MAGI1: variants seen among roughly 807,000 people sequenced by gnomAD.
MAGI1 encodes the protein membrane associated guanylate kinase, WW and PDZ domain containing 1.
Under a neutral mutation model 139.9 loss-of-function variants are expected in MAGI1, and 58 were observed. That is an observed-to-expected ratio of 0.41 (90% confidence interval 0.34 to 0.52). MAGI1 has a LOEUF of 0.52. Ranked by LOEUF, MAGI1 falls within the 20% of genes least tolerant of loss-of-function variation. The pLI, the probability that MAGI1 is intolerant of heterozygous loss-of-function variation, is 0.12. For synonymous variants in MAGI1, 812 were observed against 737.9 expected (o/e 1.10, Z -1.63); for missense variants, 1,874 against 1,901.6 (o/e 0.99, Z 0.27).
At chr3:65,920,235 C>T (rs1368752509) in intron 1 of MAGI1, among the ~76,000 whole-genome samples, 1 of 152,180 alleles carries the variant, frequency 6.6e-6, no homozygotes, top group Admixed American at 6.5e-5. Context: ...CTGCATCCTG[C>T]TGTATTTTTT....
intron 19 of MAGI1, 63 bp downstream of exon 19, chr3:65,364,790 A>C: frequency 6.2e-7 from 1 of 1,605,792 alleles, no homozygotes; most frequent in Non-Finnish European, 8.5e-7. Flanking sequence ...AATCAAGGAC[A>C]TATATTGTCA....
rs114142024 is a variant in MAGI1, at chr3:65,815,448, G to C, written c.314-193360C>G. Among the ~76,000 whole-genome samples, 595 of 152,100 alleles carry C rather than the reference G, an allele frequency of 3.9e-3. 2 individuals carry two copies. Among genetic ancestry groups the C allele is most frequent in the South Asian group, 0.023 (113 of 4,820 alleles). Reference sequence around the variant, plus strand: ...GCAGACTCTATAGATGCCTTCCTACGCCAAAATACCTACCCCTCCCCCAGC... The same window carrying C: ...GCAGACTCTATAGATGCCTTCCTACCCCAAAATACCTACCCCTCCCCCAGC... On this transcript the variant is annotated intron_variant, in intron 1 of 22. Transcript: ENST00000402939.
chr3:65,935,030 T>C lies in MAGI1; in HGVS notation c.313+102966A>G, dbSNP rs2062980255. 2.6e-5 allele frequency among the ~76,000 whole-genome samples: 4 copies of C among 152,148 alleles called. No individual in the cohort carries two copies. In the South Asian group the frequency reaches 8.3e-4, roughly 32 times the overall value. On this transcript the variant is annotated intron_variant, in intron 1 of 22. Transcript: ENST00000402939. The stretch of plus-strand genomic sequence containing the variant: ...TCCAGTAAAGGAATGATTAGTGCTA[T>C]TATGACAAGGAAAGCATAGGGAACT...
intron 1 of MAGI1, among the ~76,000 whole-genome samples, chr3:65,720,465 C>T (rs2032873195): frequency 6.6e-6 from 1 of 152,100 alleles, no homozygotes; most frequent in South Asian, 2.1e-4. Context: ...TAATTTAACC[C>T]CCTCAAATTC....
intron 1 of MAGI1, among the ~76,000 whole-genome samples, chr3:65,977,237 G>T (rs1425714551): frequency 6.6e-6 from 1 of 152,156 alleles, no homozygotes; most frequent in African/African-American, 2.4e-5. Flanking sequence ...AGTGGCATAT[G>T]TGAAAGGTTG....
intron 2 of MAGI1, chr3:65,597,935 G>T (rs1001507516): frequency 6.8e-5 from 27 of 396,044 alleles, no homozygotes; most frequent in Middle Eastern, 4.1e-4. Flanking sequence ...TGGGGGGGGG[G>T]TGGGACCGAA....
At chr3:65,889,343 T>C (rs1014541365) in intron 1 of MAGI1, among the ~76,000 whole-genome samples, 19 of 152,242 alleles carry the variant, frequency 1.2e-4, no homozygotes, top group Admixed American at 1.2e-3. Flanking sequence ...TTTCTGTCTT[T>C]TTAGAAGACC....
intron 1 of MAGI1, among the ~76,000 whole-genome samples, chr3:65,644,303 GACAAAA>G (rs974176017): frequency 1.3e-5 from 2 of 150,088 alleles, no homozygotes; most frequent in African/African-American, 2.4e-5. Context: ...AAGGCAAGAT[GACAAAA>G]ATGTTACAAT....
chr3:65,574,223 G>GT (rs2081081217), intron 2 of MAGI1, among the ~76,000 whole-genome samples: 1 of 147,796 alleles, frequency 6.8e-6, no homozygotes, highest in African/African-American at 2.5e-5. Flanking sequence ...ACATGTGCAG[G>GT]TTTTTACATA....
intron 1 of MAGI1, among the ~76,000 whole-genome samples, chr3:65,897,314 G>C (rs938692397): frequency 6.6e-6 from 1 of 152,080 alleles, no homozygotes; most frequent in Admixed American, 6.6e-5. Flanking sequence ...CAGGAGGATA[G>C]CTTAAGCCCA....
chr3:65,672,288 T>C (rs1207712061), intron 1 of MAGI1, among the ~76,000 whole-genome samples: 2 of 152,142 alleles, frequency 1.3e-5, no homozygotes, highest in Non-Finnish European at 2.9e-5. Context: ...CCAGATCCTA[T>C]CTCCAACTCA....
intron 1 of MAGI1, among the ~76,000 whole-genome samples, chr3:65,989,590 G>A (rs1359424293): frequency 2.0e-5 from 3 of 152,050 alleles, no homozygotes; most frequent in Admixed American, 6.6e-5. Flanking sequence ...CAGGCTGGAG[G>A]GCAGTGGCAT....
intron 2 of MAGI1, among the ~76,000 whole-genome samples, chr3:65,570,188 A>G (rs572876459): frequency 1.1e-4 from 16 of 151,310 alleles, no homozygotes; most frequent in Non-Finnish European, 2.1e-4. Context: ...CTGCAACCTC[A>G]GCCTCCTGGG....
At chr3:65,435,529 A>G (rs1947786384) in intron 10 of MAGI1, among the ~76,000 whole-genome samples, 1 of 152,032 alleles carries the variant, frequency 6.6e-6, no homozygotes, top group Non-Finnish European at 1.5e-5. Flanking sequence ...TGTTTCACTC[A>G]ATAATAATGT....
intron 2 of MAGI1, among the ~76,000 whole-genome samples, chr3:65,515,578 A>G (rs2077828061): frequency 6.6e-6 from 1 of 152,220 alleles, no homozygotes; most frequent in South Asian, 2.1e-4. Flanking sequence ...TCAGATATAA[A>G]AAGTTAATGC....
intron 1 of MAGI1, among the ~76,000 whole-genome samples, chr3:65,758,807 A>G (rs141227385): frequency 0.024 from 3,695 of 152,264 alleles, 71 homozygotes; most frequent in Non-Finnish European, 0.037. Context: ...CAATGAGGGC[A>G]GTGTTTCTCA....
chr3:66,008,527 C>T (rs1206799398), intron 1 of MAGI1, among the ~76,000 whole-genome samples: 1 of 152,190 alleles, frequency 6.6e-6, no homozygotes, highest in African/African-American at 2.4e-5. Flanking sequence ...AGACACAACC[C>T]ATACAACCAC....
chr3:65,904,733 G>C (rs1290566231), intron 1 of MAGI1, among the ~76,000 whole-genome samples: 1 of 152,208 alleles, frequency 6.6e-6, no homozygotes, highest in East Asian at 1.9e-4. Flanking sequence ...ATAGTGAAGA[G>C]TTTAATTGTT....
intron 1 of MAGI1, among the ~76,000 whole-genome samples, chr3:66,004,635 GCACAGTCAAGTT>G (rs2066919465): frequency 6.6e-6 from 1 of 152,212 alleles, no homozygotes; most frequent in African/African-American, 2.4e-5. Context: ...TCCCATGGAA[GCACAGTCAAGTT>G]CACATTGTAT....
Sources: gnomAD v4.1 joint callset for allele counts (sites outside exome capture counted in the v4.1 genomes callset) on GRCh38, gnomAD v4.1.1 for gene constraint, MANE v1.5 for transcripts, NCBI Gene and HGNC (gene_info 2026-07-23, HGNC 2026-07-21) for gene names.